LNPEP: variants seen among roughly 807,000 people sequenced by gnomAD.
The protein encoded by LNPEP is leucyl and cystinyl aminopeptidase, also known as leucyl-cystinyl aminopeptidase.
In LNPEP, 64 loss-of-function variants were observed where a neutral mutation model predicts 120.6. The ratio of observed to expected loss-of-function variants is 0.53; its 90% CI spans 0.43 to 0.65. The LOEUF (loss-of-function observed/expected upper bound fraction) is 0.65, where lower values mean the gene tolerates loss of function less well. Among genes scored for constraint, LNPEP ranks in the 30% least tolerant of loss-of-function variants. LNPEP has a pLI of 0.00. For synonymous variants in LNPEP, 435 were observed against 425.4 expected, an observed-to-expected ratio of 1.02 and a Z score of -0.28; for missense variants, 1,057 against 1,200.0, an observed-to-expected ratio of 0.88 and a Z score of 1.76.
intron 8 of LNPEP, among the ~76,000 whole-genome samples, chr5:96,999,863 G>T (rs73139219): frequency 2.0e-5 from 3 of 151,530 alleles, no homozygotes; most frequent in Non-Finnish European, 4.4e-5. Flanking sequence ...AGTATTGTGT[G>T]CAAGAAGGTA....
rs1005444260 is a variant in LNPEP, at chr5:97,031,438, C to T, written c.*2905C>T. On this transcript the variant is annotated 3_prime_UTR_variant, in exon 18 of 18. Coordinates refer to ENST00000231368, the MANE Select transcript of LNPEP (RefSeq NM_005575.3). ...AACTTTCTTACTATCACAGGTTCTA[C>T]TTTAATTTTCCTTGCCATATGTGTT... 2 of 152,138 alleles carry T rather than the reference C, an allele frequency of 1.3e-5. No individual in the cohort carries two copies. The highest frequency in any genetic ancestry group is 1.9e-4 in the East Asian group (1 of 5,194). 9.4% of individuals were successfully genotyped at this position (152,138 alleles called of 1,614,324 possible). A position where few individuals can be genotyped will look rare whatever the true frequency, so the allele number is the denominator to read the frequency against.
intron 13 of LNPEP, among the ~76,000 whole-genome samples, chr5:97,021,933 T>TTTTTG (rs1791210410): frequency 7.4e-6 from 1 of 134,754 alleles, no homozygotes; most frequent in Admixed American, 7.5e-5. Flanking sequence ...GTTTTTTTTT[T>TTTTTG]TTTTTTTTTT....
chr5:96,950,772 CAACTT>C (rs766223790), intron 1 of LNPEP, among the ~76,000 whole-genome samples: 5 of 152,166 alleles, frequency 3.3e-5, no homozygotes, highest in South Asian at 4.1e-4. Context: ...AATGGCCACA[CAACTT>C]AAATTATTGT....
intron 1 of LNPEP, among the ~76,000 whole-genome samples, chr5:96,949,436 T>C (rs150681813): frequency 4.3e-4 from 65 of 152,254 alleles, no homozygotes; most frequent in South Asian, 6.2e-4. Context: ...TGATCTGAGG[T>C]GTTACAGTTT....
chr5:96,952,669 G>A (rs1229075361), intron 1 of LNPEP, among the ~76,000 whole-genome samples: 1 of 152,162 alleles, frequency 6.6e-6, no homozygotes, highest in South Asian at 2.1e-4. Context: ...CTAAAGTAGA[G>A]AGAGACAGAT....
intron 2 of LNPEP, 49 bp from the exon 3 acceptor site, chr5:96,985,031 G>T: frequency 6.2e-7 from 1 of 1,603,418 alleles, no homozygotes; most frequent in Non-Finnish European, 8.5e-7. Flanking sequence ...AGGGTGCCTT[G>T]TACAGTAGGT....
intron 1 of LNPEP, among the ~76,000 whole-genome samples, chr5:96,946,951 T>C (rs1408330636): frequency 6.6e-6 from 1 of 152,248 alleles, no homozygotes; most frequent in South Asian, 2.1e-4. Context: ...GTGATATGCA[T>C]TCTTTGTTAA....
chr5:97,004,750 T>TGTTAGTCTTTTGCCAGAAGTC (rs1790738880), intron 9 of LNPEP, among the ~76,000 whole-genome samples: 1 of 152,172 alleles, frequency 6.6e-6, no homozygotes, highest in African/African-American at 2.4e-5. Context: ...AAGATATACC[T>TGTTAGTCTTTTGCCAGAAGTC]TCCCTACTCT....
rs531810743 is a variant in LNPEP at position 96,999,457 on chromosome 5, TAACA to T, written c.1653+1318_1653+1321del. ...AGAAGAATTATTGTACAGGTACTAT[TAACA>T]AACAAGAAAATCAGGAGTTCAGTTA... On this transcript the variant is annotated intron_variant, in intron 8 of 17. Coordinates refer to ENST00000231368, the MANE Select transcript of LNPEP (RefSeq NM_005575.3). Among the ~76,000 whole-genome samples, 228 of 152,284 alleles carry T rather than the reference TAACA, an allele frequency of 1.5e-3. 1 individual carries two copies. Among genetic ancestry groups the T allele is most frequent in the African/African-American group, 5.2e-3 (217 of 41,564 alleles).
intron 1 of LNPEP, among the ~76,000 whole-genome samples, chr5:96,940,476 A>G (rs1789025597): frequency 6.6e-6 from 1 of 151,948 alleles, no homozygotes; most frequent in African/African-American, 2.4e-5. Context: ...GTCATCAGAT[A>G]ATGCTTACCT....
At chr5:96,974,206 T>A (rs112070355) in intron 1 of LNPEP, among the ~76,000 whole-genome samples, 8 of 152,282 alleles carry the variant, frequency 5.3e-5, no homozygotes, top group African/African-American at 1.9e-4. Flanking sequence ...CCCTCTCCTA[T>A]GGCACCTGTC....
intron 1 of LNPEP, among the ~76,000 whole-genome samples, chr5:96,956,245 A>G (rs1789463354): frequency 1.3e-5 from 2 of 152,268 alleles, no homozygotes; most frequent in African/African-American, 2.4e-5. Flanking sequence ...AGTTCTCTCT[A>G]TATAAAAACA....
chr5:97,014,254 C>T (rs1283225427), intron 12 of LNPEP, among the ~76,000 whole-genome samples: 2 of 152,136 alleles, frequency 1.3e-5, no homozygotes, highest in African/African-American at 4.8e-5. Flanking sequence ...CCAACCACCT[C>T]ATGCATTATA....
intron 1 of LNPEP, among the ~76,000 whole-genome samples, chr5:96,964,942 GT>G (rs1481029745): frequency 3.9e-5 from 6 of 152,122 alleles, no homozygotes; most frequent in Non-Finnish European, 7.4e-5. Context: ...TGGTGTTGCA[GT>G]TTTTTGTTGA....
chr5:96,985,288 C>G (rs1790214986), intron 3 of LNPEP, 70 bp downstream of exon 3: 1 of 1,253,346 alleles, frequency 8.0e-7, no homozygotes, highest in Non-Finnish European at 1.1e-6. Context: ...TTAAATTCCT[C>G]TTTGCCAGAC....
chr5:97,005,105 T>C (rs1323284371), intron 9 of LNPEP, among the ~76,000 whole-genome samples: 2 of 152,286 alleles, frequency 1.3e-5, no homozygotes, highest in East Asian at 3.9e-4. Context: ...CAGAAATAAA[T>C]AGGTCAGAGC....
At chr5:96,962,033 A>G (rs1271703804) in intron 1 of LNPEP, among the ~76,000 whole-genome samples, 1 of 152,186 alleles carries the variant, frequency 6.6e-6, no homozygotes. Flanking sequence ...TGTAGAAACC[A>G]CAGTGTCAAT....
chr5:96,981,036 G>C (rs148496001), intron 2 of LNPEP, among the ~76,000 whole-genome samples: 175 of 152,174 alleles, frequency 1.1e-3, no homozygotes, highest in African/African-American at 3.9e-3. Context: ...AATTGCAATG[G>C]GAACTTGAAA....
rs1285332963 is a variant in LNPEP at position 97,006,484 on chromosome 5, T to C, written c.2004T>C (p.Tyr668=). Residue 668 remains tyrosine, a synonymous_variant, in exon 11 of 18, where the codon TAT becomes TAC. Transcript: ENST00000231368. ...YVTEGRNYSK[Y]QSVSLLDKKS... is the part of the protein sequence containing the mutation. ...CTGAAGGAAGAAATTATTCAAAATA[T>C]CAATCGGTATCATTACTGGATAAGA... The C allele has an allele frequency of 6.4e-7, 1 of 1,562,794 alleles. No homozygotes were observed. Among genetic ancestry groups the C allele is most frequent in the Non-Finnish European group, 8.8e-7 (1 of 1,133,848 alleles).
Sources: gnomAD v4.1 joint callset for allele counts (sites outside exome capture counted in the v4.1 genomes callset) on GRCh38, gnomAD v4.1.1 for gene constraint, MANE v1.5 for transcripts, NCBI Gene and HGNC (gene_info 2026-07-23, HGNC 2026-07-21) for gene names.